Variants in ERC2 observed in about 807,000 individuals in gnomAD.
The protein encoded by ERC2 is ERC protein 2.
ERC2 carries 42 observed loss-of-function variants against 114.8 expected under a neutral mutation model. The observed-to-expected ratio is 0.37, with a 90% CI of 0.29 to 0.47. The LOEUF (loss-of-function observed/expected upper bound fraction) is 0.47. Ranked by LOEUF, ERC2 falls within the 20% of genes least tolerant of loss-of-function variation. The pLI is 0.99. For synonymous variants in ERC2, 454 were observed against 425.5 expected, an observed-to-expected ratio of 1.07 and a Z score of -0.82; for missense variants, 939 against 1,150.7, an observed-to-expected ratio of 0.82 and a Z score of 2.66.
At chr3:55,867,491 G>C (rs1298832016) in intron 14 of ERC2, among the ~76,000 whole-genome samples, 1 of 152,168 alleles carries the variant, frequency 6.6e-6, no homozygotes, top group African/African-American at 2.4e-5. Context: ...GGTGGAGGGA[G>C]GGGAAGCATT....
chr3:56,322,944 G>A (rs2057194809), intron 2 of ERC2, among the ~76,000 whole-genome samples: 1 of 152,172 alleles, frequency 6.6e-6, no homozygotes, highest in Admixed American at 6.5e-5. Context: ...CTCATTAATA[G>A]ATTAATGCCA....
At chr3:55,623,228 A>G (rs1372557295) in intron 17 of ERC2, among the ~76,000 whole-genome samples, 1 of 152,166 alleles carries the variant, frequency 6.6e-6, no homozygotes, top group East Asian at 1.9e-4. Flanking sequence ...CCTCATTACC[A>G]CAGAGGATTA....
chr3:56,197,352 G>A lies in ERC2; in HGVS notation c.1075-23832C>T, dbSNP rs1575784079. 2.0e-5 allele frequency among the ~76,000 whole-genome samples: 3 copies of A among 152,310 alleles called. No individual in the cohort carries two copies. The South Asian group carries it at 6.2e-4, about 32-fold the overall frequency. On this transcript the variant is annotated intron_variant, in intron 3 of 17. Coordinates refer to ENST00000288221, the MANE Select transcript of ERC2 (RefSeq NM_015576.3). ...CTAAACTTCCTGATCACAGCTTTCT[G>A]AAACTACGTTAGAATACGCCTACCA...
At chr3:56,224,370 A>G (rs937198643) in intron 3 of ERC2, among the ~76,000 whole-genome samples, 5 of 152,214 alleles carry the variant, frequency 3.3e-5, no homozygotes, top group South Asian at 2.1e-4. Context: ...TCCAGAATAA[A>G]GAGGAAATAA....
At chr3:56,418,175 G>A (rs1576862360) in intron 2 of ERC2, among the ~76,000 whole-genome samples, 2 of 151,832 alleles carry the variant, frequency 1.3e-5, no homozygotes, top group African/African-American at 2.4e-5. Flanking sequence ...GTACATGCCT[G>A]TAGTCCTGGC....
intron 14 of ERC2, among the ~76,000 whole-genome samples, chr3:55,858,747 C>T (rs997339525): frequency 3.3e-5 from 5 of 152,178 alleles, no homozygotes; most frequent in African/African-American, 9.7e-5. Flanking sequence ...TTACAGCAGG[C>T]GCATCACATA....
chr3:56,327,002 G>C (rs1334072411), intron 2 of ERC2, among the ~76,000 whole-genome samples: 4 of 152,196 alleles, frequency 2.6e-5, no homozygotes, highest in East Asian at 1.9e-4. Context: ...GATGTTCCAT[G>C]ATGCCTGCCT....
chr3:56,189,999 G>A (rs1246319627), intron 3 of ERC2, among the ~76,000 whole-genome samples: 1 of 152,160 alleles, frequency 6.6e-6, no homozygotes, highest in Non-Finnish European at 1.5e-5. Context: ...GTTTTATAGT[G>A]TTCAAAATGG....
intron 14 of ERC2, among the ~76,000 whole-genome samples, chr3:55,771,413 C>T (rs1043196446): frequency 1.3e-5 from 2 of 152,344 alleles, no homozygotes; most frequent in African/African-American, 2.4e-5. Flanking sequence ...TGAGTCTTCA[C>T]GTCCACCCTG....
intron 2 of ERC2, among the ~76,000 whole-genome samples, chr3:56,391,139 A>C (rs887645262): frequency 6.6e-6 from 1 of 152,158 alleles, no homozygotes. Context: ...CTTCAGTCTC[A>C]CTCATGGGAG....
intron 14 of ERC2, among the ~76,000 whole-genome samples, chr3:55,778,702 C>G (rs2068794391): frequency 6.6e-6 from 1 of 152,008 alleles, no homozygotes; most frequent in African/African-American, 2.4e-5. Context: ...CAGAAAGGTA[C>G]AAAGGGTATG....
At chr3:56,119,302 T>A (rs1436111963) in intron 6 of ERC2, among the ~76,000 whole-genome samples, 1 of 152,216 alleles carries the variant, frequency 6.6e-6, no homozygotes, top group African/African-American at 2.4e-5. Context: ...ACAGCACTTT[T>A]GCATTTCTCT....
intron 3 of ERC2, among the ~76,000 whole-genome samples, chr3:56,225,879 A>C (rs769653185): frequency 2.0e-5 from 3 of 152,130 alleles, no homozygotes; most frequent in Admixed American, 6.6e-5. Flanking sequence ...GCAAACACTC[A>C]TGCCCAGCTC....
intron 14 of ERC2, among the ~76,000 whole-genome samples, chr3:55,817,080 T>C (rs771616967): frequency 6.6e-6 from 1 of 152,182 alleles, no homozygotes; most frequent in Non-Finnish European, 1.5e-5. Context: ...GGAGGGGGTT[T>C]CTACCCGTCT....
intron 3 of ERC2, among the ~76,000 whole-genome samples, chr3:56,293,651 A>G (rs562047881): frequency 1.3e-5 from 2 of 152,322 alleles, no homozygotes; most frequent in African/African-American, 2.4e-5. Flanking sequence ...TTGATGAGCT[A>G]AAATAAGGGC....
chr3:55,738,486 A>G (rs757193651), intron 14 of ERC2, among the ~76,000 whole-genome samples: 1 of 152,180 alleles, frequency 6.6e-6, no homozygotes, highest in Non-Finnish European at 1.5e-5. Context: ...TAGCAGGTAT[A>G]TAATTTGCTC....
At chr3:55,743,714 G>A (rs1488217829) in intron 14 of ERC2, among the ~76,000 whole-genome samples, 1 of 151,630 alleles carries the variant, frequency 6.6e-6, no homozygotes, top group Non-Finnish European at 1.5e-5. Context: ...AAGTTTTTAA[G>A]AGGAGGAGGT....
chr3:55,604,471 C>T (rs2058554798), intron 17 of ERC2, among the ~76,000 whole-genome samples: 1 of 152,104 alleles, frequency 6.6e-6, no homozygotes, highest in Non-Finnish European at 1.5e-5. Context: ...TCTCTCTACC[C>T]TACTTCCCTT....
intron 2 of ERC2, among the ~76,000 whole-genome samples, chr3:56,360,809 G>A (rs13078566): frequency 0.23 from 35,235 of 152,168 alleles, 4,669 homozygotes; most frequent in Non-Finnish European, 0.29. Context: ...TCAGGAGGCT[G>A]AGATAGGAGA....
Sources: gnomAD v4.1 joint callset for allele counts (sites outside exome capture counted in the v4.1 genomes callset) on GRCh38, gnomAD v4.1.1 for gene constraint, MANE v1.5 for transcripts, NCBI Gene and HGNC (gene_info 2026-07-23, HGNC 2026-07-21) for gene names.